ZSCAN1: variants seen among roughly 807,000 people sequenced by gnomAD.
The protein encoded by ZSCAN1 is zinc finger and SCAN domain-containing protein 1.
A neutral mutation model predicts 23.8 loss-of-function variants in ZSCAN1; 23 were observed. The ratio of observed to expected loss-of-function variants is 0.97; its 90% CI spans 0.70 to 1.37. ZSCAN1 has a LOEUF of 1.37. Among genes scored for constraint, ZSCAN1 ranks in the 40% most tolerant of loss-of-function variants. The pLI is 0.00. For synonymous variants in ZSCAN1, 236 were observed against 232.3 expected (o/e 1.02, Z -0.15); for missense variants, 575 against 554.0 (o/e 1.04, Z -0.38).
Position 58,054,274 on chromosome 19 carries a change from C to A in ZSCAN1, c.*223C>A, listed in dbSNP as rs948887479. ...CAGCTGAGAAGCAGCAGTTCCACAG[C>A]ACAGCCTGGTCAGTCCTGCGCACTA... is the stretch of plus-strand genomic sequence containing the variant. On this transcript the variant is annotated 3_prime_UTR_variant, in exon 6 of 6. Transcript: ENST00000282326. This position sits in a 1 kb window ranked among gnomAD's most constrained non-coding sequence, Gnocchi z 4.2. 4 of 564,586 alleles carry A rather than the reference C, an allele frequency of 7.1e-6. No homozygotes were observed. Among genetic ancestry groups the A allele is most frequent in the Non-Finnish European group, 1.2e-5 (4 of 330,378 alleles). 35.0% of individuals were successfully genotyped at this position (564,586 alleles called of 1,614,324 possible).
intron 3 of ZSCAN1, among the ~76,000 whole-genome samples, chr19:58,039,746 G>A (rs2123422685): frequency 6.8e-6 from 1 of 146,216 alleles, no homozygotes; most frequent in Admixed American, 7.1e-5. Context: ...ACTGCAGCCT[G>A]GGCGACAGAG....
chr19:58,041,364 C>T (rs1236097939), intron 4 of ZSCAN1, among the ~76,000 whole-genome samples: 2 of 152,186 alleles, frequency 1.3e-5, no homozygotes, highest in Non-Finnish European at 2.9e-5. Context: ...CTAGGTGCCA[C>T]GTGAAGCACA....
At position 58,037,948 on chromosome 19, in the gene ZSCAN1, C is replaced by A; in HGVS notation, c.112C>A (p.Arg38Ser). 6.2e-7 allele frequency: 1 copy of A among 1,604,250 alleles called. No homozygotes were observed. Among genetic ancestry groups the A allele is most frequent in the East Asian group, 2.2e-5 (1 of 44,840 alleles). Residue 38 changes from arginine (R) to serine (S), a missense_variant, in exon 3 of 6, where the codon CGT (arginine) becomes AGT (serine). By Grantham distance (110) the Arg-to-Ser change is moderately radical (BLOSUM62 -1). Transcript: ENST00000282326. Reference protein sequence around the residue: ...PASPRDTEAQRLRFRQFQYHV... With the variant: ...PASPRDTEAQSLRFRQFQYHV... ...AAGCCCCAGGGACACCGAAGCCCAG[C>A]GTCTGCGCTTCCGGCAGTTCCAGTA...
chr19:58,054,991 G>A (rs1160547296), downstream of ZSCAN1, among the ~76,000 whole-genome samples: 1 of 152,168 alleles, frequency 6.6e-6, no homozygotes, highest in Non-Finnish European at 1.5e-5. The surrounding 1 kb of genome is among the most constrained non-coding windows in gnomAD (Gnocchi z 4.2). Flanking sequence ...AGGCGGTGAC[G>A]TCACAGCGGG....
chr19:58,049,808 C>G lies in ZSCAN1; in HGVS notation c.466-2682C>G, dbSNP rs1171812547. Among the ~76,000 whole-genome samples the G allele has an allele frequency of 2.0e-5, 3 of 152,232 alleles. No homozygotes were observed. The highest frequency in any genetic ancestry group is 7.2e-5 in the African/African-American group (3 of 41,458). On this transcript the variant is annotated intron_variant, in intron 4 of 5. Coordinates refer to ENST00000282326, the MANE Select transcript of ZSCAN1 (RefSeq NM_182572.4). This position sits in a 1 kb window ranked among gnomAD's most constrained non-coding sequence, Gnocchi z 4.5. ...GTCCCTGGTGGTTCCCACCGCGTAG[C>G]TGATACTCGTGGCCCCTGCTTTTCT...
rs747418318 is a variant in ZSCAN1, at chr19:58,054,092, T to C, written c.*41T>C. 3.3e-5 allele frequency: 47 copies of C among 1,445,452 alleles called. No individual in the cohort carries two copies. The highest frequency in any genetic ancestry group is 1.7e-5 in the Non-Finnish European group (19 of 1,101,362). The allele number at this position is 1,445,452 out of a possible 1,614,324, so 89.5% of individuals were successfully genotyped here. ...CCTCGGCCACCCGGCCCTGAGTCCC[T>C]GGGGGGAGCTGATGGGCCCCAGAAG... On this transcript the variant is annotated 3_prime_UTR_variant, in exon 6 of 6. Transcript: ENST00000282326. The surrounding 1 kb of genome is among the most constrained non-coding windows in gnomAD (Gnocchi z 4.2).
chr19:58,039,550 A>C (rs2073769210), intron 3 of ZSCAN1, among the ~76,000 whole-genome samples: 1 of 152,164 alleles, frequency 6.6e-6, no homozygotes, highest in Non-Finnish European at 1.5e-5. Flanking sequence ...CAGGCGGATC[A>C]CAAGGCAGGA....
At position 58,054,269 on chromosome 19, in the gene ZSCAN1, C is replaced by T. The variant is rs1568607202; in HGVS notation, c.*218C>T. On this transcript the variant is annotated 3_prime_UTR_variant, in exon 6 of 6. Coordinates refer to ENST00000282326, the MANE Select transcript of ZSCAN1 (RefSeq NM_182572.4). The surrounding 1 kb of genome is among the most constrained non-coding windows in gnomAD (Gnocchi z 4.2). ...GGTCTCAGCTGAGAAGCAGCAGTTCCACAGCACAGCCTGGTCAGTCCTGCG... is the reference window on the plus strand; with the variant it reads ...GGTCTCAGCTGAGAAGCAGCAGTTCTACAGCACAGCCTGGTCAGTCCTGCG... 2 of 574,154 alleles carry T rather than the reference C, an allele frequency of 3.5e-6. No individual in the cohort carries two copies. Among genetic ancestry groups the T allele is most frequent in the African/African-American group, 3.7e-5 (2 of 53,846 alleles). The allele number at this position is 574,154 out of a possible 1,614,324, so 35.6% of individuals were successfully genotyped here.
At position 58,053,784 on chromosome 19, in the gene ZSCAN1, T is replaced by G. The variant is rs1431530688; in HGVS notation, c.960T>G (p.Phe320Leu). 2 of 1,614,028 alleles carry G rather than the reference T, an allele frequency of 1.2e-6. No individual in the cohort carries two copies. Among genetic ancestry groups the G allele is most frequent in the South Asian group, 2.2e-5 (2 of 91,064 alleles). Residue 320 changes from phenylalanine to leucine, a missense_variant, in exon 6 of 6, where the codon TTT becomes TTG. By Grantham distance (22) the Phe-to-Leu change is conservative. Coordinates refer to ENST00000282326, the MANE Select transcript of ZSCAN1 (RefSeq NM_182572.4). This position sits in a 1 kb window ranked among gnomAD's most constrained non-coding sequence, Gnocchi z 5.8. ...HQKTHREEGP[F>L]PCPECGKVFL... ...AGACCCATCGCGAGGAAGGGCCCTT[T>G]CCGTGCCCCGAGTGTGGCAAGGTCT...
chr19:58,054,034 G>A lies in ZSCAN1; in HGVS notation c.1210G>A (p.Ala404Thr). 1 of 1,522,700 alleles carries A rather than the reference G, an allele frequency of 6.6e-7. No individual in the cohort carries two copies. Among genetic ancestry groups the A allele is most frequent in the Non-Finnish European group, 8.8e-7 (1 of 1,135,266 alleles). The allele number at this position is 1,522,700 out of a possible 1,614,324, so 94.3% of individuals were successfully genotyped here. ...HLIDHQKLHTAHGHM is the reference protein window; with the variant it reads ...HLIDHQKLHTTHGHM ...CATTGACCACCAGAAGCTCCACACGGCCCACGGCCACATGTGAATGGCCAG... is the reference window on the plus strand; with the variant it reads ...CATTGACCACCAGAAGCTCCACACGACCCACGGCCACATGTGAATGGCCAG... Residue 404 changes from alanine (A) to threonine (T), a missense_variant, in exon 6 of 6, where the codon GCC (alanine) becomes ACC (threonine). Coordinates refer to ENST00000282326, the MANE Select transcript of ZSCAN1 (RefSeq NM_182572.4). This position sits in a 1 kb window ranked among gnomAD's most constrained non-coding sequence, Gnocchi z 4.2.
At chr19:58,046,373 C>A in intron 4 of ZSCAN1, 4 of 916,850 alleles carry the variant, frequency 4.4e-6, no homozygotes, top group Non-Finnish European at 7.4e-6. Flanking sequence ...GGATCTAAAG[C>A]CAGCAAGAGA....
chr19:58,038,902 G>A (rs2123421592), intron 3 of ZSCAN1, among the ~76,000 whole-genome samples: 1 of 152,332 alleles, frequency 6.6e-6, no homozygotes, highest in South Asian at 2.1e-4. Flanking sequence ...GGCCTCGGGA[G>A]GGCTTCCCCA....
Position 58,053,470 on chromosome 19 carries a change from G to T in ZSCAN1, c.646G>T (p.Glu216Ter), listed in dbSNP as rs374458811. Reference protein sequence around the residue: ...RLPLKPSIWDEPEDLLAGPSS... With the variant: ...RLPLKPSIWD Reference sequence around the variant, plus strand: ...GCCTCTGAAGCCGAGTATCTGGGACGAGCCTGAGGACCTTCTCGCAGGGCC... The same window carrying T: ...GCCTCTGAAGCCGAGTATCTGGGACTAGCCTGAGGACCTTCTCGCAGGGCC... Residue 216 changes from glutamate (E) to a stop codon, truncating the protein, a stop_gained, in exon 6 of 6, where the codon GAG becomes TAG. Coordinates refer to ENST00000282326, the MANE Select transcript of ZSCAN1 (RefSeq NM_182572.4). LOFTEE classifies it low-confidence loss of function (END_TRUNC). This position sits in a 1 kb window ranked among gnomAD's most constrained non-coding sequence, Gnocchi z 5.8. 3 of 1,613,364 alleles carry T rather than the reference G, an allele frequency of 1.9e-6. No homozygotes were observed. The African/African-American group carries it at 4.0e-5, about 22-fold the overall frequency.
chr19:58,055,463 C>G (rs2073885029), downstream of ZSCAN1, among the ~76,000 whole-genome samples: 1 of 152,254 alleles, frequency 6.6e-6, no homozygotes, highest in Admixed American at 6.5e-5. Flanking sequence ...GCTCCTGGCT[C>G]TATCCTATGC....
chr19:58,053,661 C>T lies in ZSCAN1; in HGVS notation c.837C>T (p.Ile279=), dbSNP rs2073873348. The change falls in exon 6 of 6, where the codon ATC becomes ATT. Residue 279 remains isoleucine (I), a synonymous_variant. Transcript: ENST00000282326. The surrounding 1 kb of genome is among the most constrained non-coding windows in gnomAD (Gnocchi z 5.8). ...GTACCCAAGAGGCTGTTGCAGGCAT[C>T]TCGGTAGTGCCGCGTGGGCCCCGAG... ...KGGTQEAVAG[I]SVVPRGPRGG... 1 of 1,614,214 alleles carries T rather than the reference C, an allele frequency of 6.2e-7. No homozygotes were observed. The highest frequency in any genetic ancestry group is 8.5e-7 in the Non-Finnish European group (1 of 1,180,036).
chr19:58,051,568 C>T (rs986494195), intron 4 of ZSCAN1, among the ~76,000 whole-genome samples: 37 of 150,476 alleles, frequency 2.5e-4, no homozygotes, highest in African/African-American at 9.0e-4. Flanking sequence ...GGCCCCTGTG[C>T]ATCCAGGTAG....
At chr19:58,041,171 C>A (rs1232910868) in intron 4 of ZSCAN1, among the ~76,000 whole-genome samples, 4 of 152,262 alleles carry the variant, frequency 2.6e-5, no homozygotes, top group African/African-American at 9.6e-5. Context: ...AGTTTGACCA[C>A]TTTCTGCCTC....
intron 1 of ZSCAN1, among the ~76,000 whole-genome samples, chr19:58,035,134 AC>A (rs1363992201): frequency 2.0e-5 from 3 of 151,706 alleles, no homozygotes; most frequent in African/African-American, 7.3e-5. Context: ...TTAATCAGAG[AC>A]CCCTACCAAA....
Position 58,049,677 on chromosome 19 carries a change from G to A in ZSCAN1, c.466-2813G>A, listed in dbSNP as rs2073846658. ...AGCCCTTTGAGGGTAGCACTCTAAG[G>A]TCCCTGAGATCCCATGGGCGTATCT... On this transcript the variant is annotated intron_variant, in intron 4 of 5. Transcript: ENST00000282326. This position sits in a 1 kb window ranked among gnomAD's most constrained non-coding sequence, Gnocchi z 4.5. Among the ~76,000 whole-genome samples the A allele has an allele frequency of 6.6e-6, 1 of 152,172 alleles. No homozygotes were observed. The highest frequency in any genetic ancestry group is 1.5e-5 in the Non-Finnish European group (1 of 68,034).
Sources: allele counts gnomAD v4.1 joint callset (sites outside exome capture counted in the v4.1 genomes callset), GRCh38; gene constraint gnomAD v4.1.1; non-coding constraint Gnocchi (gnomAD v3.1); transcripts MANE v1.5; gene names NCBI Gene and HGNC (gene_info 2026-07-23, HGNC 2026-07-21).